The following MIPOL1 variants were observed in gnomAD, a reference collection of about 807,000 sequenced individuals.
MIPOL1 encodes the protein mirror-image polydactyly gene 1 protein.
A neutral mutation model predicts 60.9 loss-of-function variants in MIPOL1; 57 were observed. That is an observed-to-expected ratio of 0.94 (90% confidence interval 0.76 to 1.17). MIPOL1 has a LOEUF of 1.17. Among genes scored for constraint, MIPOL1 ranks in the 50% most tolerant of loss-of-function variants. The pLI is 0.00. For missense variants in MIPOL1, 551 were observed against 511.6 expected, an observed-to-expected ratio of 1.08 and a Z score of -0.74; for synonymous variants, 179 against 168.8, an observed-to-expected ratio of 1.06 and a Z score of -0.47.
intron 1 of MIPOL1, among the ~76,000 whole-genome samples, chr14:37,229,451 C>T (rs1327240816): frequency 1.3e-5 from 2 of 152,100 alleles, no homozygotes; most frequent in East Asian, 3.9e-4. Context: ...CCAGCCAAGC[C>T]CATTATTCAT....
chr14:37,285,264 T>C, intron 6 of MIPOL1, 54 bp from the exon 7 acceptor site: 2 of 1,599,034 alleles, frequency 1.3e-6, no homozygotes. Flanking sequence ...GCTAAAGGTA[T>C]ACATTTGTCC....
intron 6 of MIPOL1, 75 bp downstream of exon 6, chr14:37,270,600 A>T (rs1043315414): frequency 5.9e-5 from 39 of 665,210 alleles, no homozygotes; most frequent in Non-Finnish European, 8.7e-5. Flanking sequence ...CTTGGTGAAT[A>T]CTAGCATACT....
chr14:37,244,104 CTTTTTTTTTTTTT>C (rs143933758), intron 1 of MIPOL1, among the ~76,000 whole-genome samples: 7 of 51,608 alleles, frequency 1.4e-4, no homozygotes, highest in South Asian at 1.1e-3. Context: ...GACTCACTTC[CTTTTTTTTTTTTT>C]TTTTTTTTTT....
At chr14:37,429,568 C>T (rs1234997574) in intron 11 of MIPOL1, among the ~76,000 whole-genome samples, 1 of 151,924 alleles carries the variant, frequency 6.6e-6, no homozygotes, top group African/African-American at 2.4e-5. Flanking sequence ...GAAATACTTA[C>T]GTGTTTAACA....
At chr14:37,306,790 CT>C (rs1405571851) in intron 7 of MIPOL1, among the ~76,000 whole-genome samples, 1 of 151,574 alleles carries the variant, frequency 6.6e-6, no homozygotes, top group East Asian at 1.9e-4. Context: ...GTAGAGCAAA[CT>C]TTTGTTAGGC....
intron 9 of MIPOL1, among the ~76,000 whole-genome samples, chr14:37,314,847 A>G (rs1490361877): frequency 1.3e-5 from 2 of 152,266 alleles, no homozygotes; most frequent in East Asian, 3.9e-4. Flanking sequence ...GCTATTTTAG[A>G]TATTTCAAGA....
intron 11 of MIPOL1, among the ~76,000 whole-genome samples, chr14:37,482,905 T>C (rs1212073591): frequency 6.6e-6 from 1 of 152,186 alleles, no homozygotes; most frequent in African/African-American, 2.4e-5. Context: ...CAGCACCCCA[T>C]GTGGATAGCA....
At chr14:37,439,439 G>A (rs749589339) in intron 11 of MIPOL1, among the ~76,000 whole-genome samples, 1 of 152,096 alleles carries the variant, frequency 6.6e-6, no homozygotes, top group Non-Finnish European at 1.5e-5. Flanking sequence ...TTTATTCTGT[G>A]TTTCCTGGAG....
At chr14:37,213,137 A>G (rs984142635) in intron 1 of MIPOL1, among the ~76,000 whole-genome samples, 3 of 152,166 alleles carry the variant, frequency 2.0e-5, no homozygotes, top group African/African-American at 7.2e-5. Context: ...TACAATAAAT[A>G]CCTAACTCTT....
At chr14:37,228,325 C>CT (rs397961053) in intron 1 of MIPOL1, among the ~76,000 whole-genome samples, 6,241 of 105,170 alleles carry the variant, frequency 0.059, 206 homozygotes, top group Admixed American at 0.1. Context: ...TCTTTCTTTT[C>CT]TTTTTTTTTT....
intron 1 of MIPOL1, among the ~76,000 whole-genome samples, chr14:37,237,417 T>G (rs762681504): frequency 6.6e-6 from 1 of 152,114 alleles, no homozygotes; most frequent in Non-Finnish European, 1.5e-5. Flanking sequence ...ATTTTGAAGA[T>G]GACTTTTTCT....
intron 11 of MIPOL1, among the ~76,000 whole-genome samples, chr14:37,460,830 A>G (rs1292742909): frequency 6.6e-6 from 1 of 152,232 alleles, no homozygotes; most frequent in Non-Finnish European, 1.5e-5. Context: ...AAGGAGAACT[A>G]CAAAACACTG....
intron 12 of MIPOL1, among the ~76,000 whole-genome samples, chr14:37,508,749 A>T (rs954491075): frequency 2.0e-5 from 3 of 152,072 alleles, no homozygotes; most frequent in African/African-American, 7.2e-5. Context: ...GTACTATCTC[A>T]TTCCTCAGAA....
chr14:37,347,146 C>T (rs2091002325), intron 9 of MIPOL1, among the ~76,000 whole-genome samples: 1 of 151,722 alleles, frequency 6.6e-6, no homozygotes. Context: ...AATGTATATG[C>T]CACATAAAAA....
chr14:37,270,791 T>C (rs1015800191), intron 6 of MIPOL1, among the ~76,000 whole-genome samples: 1 of 152,072 alleles, frequency 6.6e-6, no homozygotes, highest in African/African-American at 2.4e-5. Context: ...AAAGGTTGTT[T>C]GTTTTGTTGG....
intron 6 of MIPOL1, among the ~76,000 whole-genome samples, chr14:37,275,713 G>T (rs1179531233): frequency 6.6e-6 from 1 of 150,734 alleles, no homozygotes; most frequent in Non-Finnish European, 1.5e-5. Context: ...ATGTTATTTT[G>T]TGATATTTAA....
chr14:37,500,022 A>G lies in MIPOL1; in HGVS notation c.1146A>G (p.Gln382=), dbSNP rs747756094. ...AGAACATTGTTTCCATCACTCAACA[A>G]CAAAATGAGGAACTGGCTACTCAAC... ...NRENIVSITQ[Q]QNEELATQLQ... The change falls in exon 12 of 13, where the codon CAA becomes CAG. Residue 382 remains glutamine (Q), a synonymous_variant. Coordinates refer to ENST00000684589, the MANE Select transcript of MIPOL1 (RefSeq NM_001388067.1). The G allele has an allele frequency of 9.3e-6, 15 of 1,613,890 alleles. No homozygotes were observed. Among genetic ancestry groups the G allele is most frequent in the South Asian group, 1.1e-5 (1 of 91,086 alleles).
chr14:37,318,531 TAAAATA>T (rs923162846), intron 9 of MIPOL1, among the ~76,000 whole-genome samples: 3 of 152,186 alleles, frequency 2.0e-5, no homozygotes, highest in African/African-American at 7.2e-5. Flanking sequence ...TCAGTCTTGC[TAAAATA>T]TATTGTTGAT....
chr14:37,484,770 TTCTGC>T (rs2094922802), intron 11 of MIPOL1, among the ~76,000 whole-genome samples: 1 of 152,218 alleles, frequency 6.6e-6, no homozygotes, highest in Non-Finnish European at 1.5e-5. Context: ...GTCCCTTCAA[TTCTGC>T]TATTTAGCCT....
Sources: gnomAD v4.1 joint callset for allele counts (sites outside exome capture counted in the v4.1 genomes callset) on GRCh38, gnomAD v4.1.1 for gene constraint, MANE v1.5 for transcripts, NCBI Gene and HGNC (gene_info 2026-07-23, HGNC 2026-07-21) for gene names.